TBC1D5: variants seen among roughly 807,000 people sequenced by gnomAD.
The protein encoded by TBC1D5 is TBC1 domain family member 5.
Under a neutral mutation model 100.3 loss-of-function variants are expected in TBC1D5, and 75 were observed. The ratio of observed to expected loss-of-function variants is 0.75; its 90% CI spans 0.62 to 0.91. The LOEUF is 0.91. Ranked by LOEUF, TBC1D5 falls within the 40% of genes least tolerant of loss-of-function variation. The probability of loss-of-function intolerance (pLI) is 0.00; values close to 1 mark genes in which losing one functional copy is unlikely to be tolerated. For missense variants in TBC1D5, 910 were observed against 942.4 expected, an observed-to-expected ratio of 0.97 and a Z score of 0.45; for synonymous variants, 323 against 325.6, an observed-to-expected ratio of 0.99 and a Z score of 0.09.
Position 17,238,056 on chromosome 3 carries a change from T to A in TBC1D5, c.1588+107A>T, listed in dbSNP as rs543654208. ...TTATATAACATATTTAAAAAGTAAG[T>A]TTTGCATTAATTTCTATTCTAGGAG... On this transcript the variant is annotated intron_variant, in intron 17 of 21. Transcript: ENST00000253692. 181 of 1,445,534 alleles carry A rather than the reference T, an allele frequency of 1.3e-4. No homozygotes were observed. In the African/African-American group the frequency reaches 2.4e-3, roughly 19 times the overall value. The allele number at this position is 1,445,534 out of a possible 1,614,324, so 89.5% of individuals were successfully genotyped here. A position where few individuals can be genotyped will look rare whatever the true frequency, so the allele number is the denominator to read the frequency against.
At chr3:17,426,128 A>T (rs558447939) in intron 4 of TBC1D5, among the ~76,000 whole-genome samples, 2 of 152,334 alleles carry the variant, frequency 1.3e-5, no homozygotes, top group South Asian at 4.1e-4. Context: ...GCAAAAGGAC[A>T]TCTGAGGGTT....
At chr3:17,160,072 C>T (rs2065905288) in exon 22 of TBC1D5, 1 of 152,124 alleles carries the variant, frequency 6.6e-6, no homozygotes, top group Non-Finnish European at 1.5e-5. Flanking sequence ...GATGTTTATC[C>T]CATAAAGTCA....
intron 2 of TBC1D5, among the ~76,000 whole-genome samples, chr3:17,560,985 A>G (rs901960501): frequency 2.6e-5 from 4 of 152,170 alleles, no homozygotes; most frequent in African/African-American, 9.7e-5. Context: ...TAGTGTCTAG[A>G]GACGCACACC....
chr3:17,690,859 ATAAGAC>A (rs2071051332), intron 1 of TBC1D5, among the ~76,000 whole-genome samples: 1 of 152,228 alleles, frequency 6.6e-6, no homozygotes, highest in African/African-American at 2.4e-5. Flanking sequence ...CTGCTGCTTT[ATAAGAC>A]TAAATTGTAG....
intron 15 of TBC1D5, among the ~76,000 whole-genome samples, chr3:17,277,073 C>CA (rs1184119725): frequency 6.6e-6 from 1 of 152,232 alleles, no homozygotes; most frequent in Non-Finnish European, 1.5e-5. Context: ...GCCACGGAAA[C>CA]ACTGGGTTTC....
At chr3:17,257,799 A>G (rs2077858226) in intron 16 of TBC1D5, among the ~76,000 whole-genome samples, 1 of 152,222 alleles carries the variant, frequency 6.6e-6, no homozygotes, top group Non-Finnish European at 1.5e-5. Context: ...AAGCTAACAC[A>G]TAGGCAAAAT....
chr3:17,280,344 G>T (rs1008834185), intron 15 of TBC1D5, among the ~76,000 whole-genome samples: 1 of 152,114 alleles, frequency 6.6e-6, no homozygotes, highest in Non-Finnish European at 1.5e-5. Flanking sequence ...GGTCCCTGGT[G>T]AGGGACCCAC....
intron 2 of TBC1D5, among the ~76,000 whole-genome samples, chr3:17,549,874 G>A (rs991168155): frequency 6.6e-6 from 1 of 151,808 alleles, no homozygotes; most frequent in African/African-American, 2.4e-5. Context: ...AGGTTGCACT[G>A]AGCCAAGATT....
intron 3 of TBC1D5, among the ~76,000 whole-genome samples, chr3:17,434,666 T>C (rs1281391400): frequency 6.6e-6 from 1 of 152,148 alleles, no homozygotes; most frequent in Non-Finnish European, 1.5e-5. Flanking sequence ...CACTTTTCCC[T>C]CCTAGGCCAC....
At chr3:17,374,760 A>G in intron 10 of TBC1D5, 81 bp from the exon 11 acceptor site, 1 of 1,407,906 alleles carries the variant, frequency 7.1e-7, no homozygotes, top group Non-Finnish European at 9.8e-7. Context: ...TCTATATAAG[A>G]CAACTTTCAT....
intron 2 of TBC1D5, among the ~76,000 whole-genome samples, chr3:17,576,015 T>C (rs1241764224): frequency 6.6e-6 from 1 of 152,092 alleles, no homozygotes; most frequent in Non-Finnish European, 1.5e-5. Flanking sequence ...GTTCCATTAC[T>C]GACAAATTCC....
chr3:17,436,830 A>C (rs1317359346), intron 3 of TBC1D5, among the ~76,000 whole-genome samples: 1 of 152,240 alleles, frequency 6.6e-6, no homozygotes, highest in Admixed American at 6.5e-5. Flanking sequence ...AATAACAGAT[A>C]AAACAAGCTA....
In TBC1D5 at chr3:17,630,629, G is replaced by A. The variant is rs564655270; in HGVS notation, c.-100-6716C>T. On this transcript the variant is annotated intron_variant, in intron 1 of 21. Coordinates refer to ENST00000253692, the Ensembl canonical transcript of TBC1D5. ...CTGAGATATGACAATACTGAAATTAGGTCAATTAATGGCCTTACAACGGCC... is the reference window on the plus strand; with the variant it reads ...CTGAGATATGACAATACTGAAATTAAGTCAATTAATGGCCTTACAACGGCC... Among the ~76,000 whole-genome samples, 3 of 152,174 alleles carry A rather than the reference G, an allele frequency of 2.0e-5. No homozygotes were observed. The East Asian group carries it at 5.8e-4, about 29-fold the overall frequency.
intron 4 of TBC1D5, among the ~76,000 whole-genome samples, chr3:17,409,872 C>T (rs1237106415): frequency 6.6e-6 from 1 of 152,168 alleles, no homozygotes; most frequent in Non-Finnish European, 1.5e-5. Flanking sequence ...ATCTCCATAA[C>T]ATAAAATTGC....
intron 2 of TBC1D5, among the ~76,000 whole-genome samples, chr3:17,619,215 T>C (rs186920408): frequency 4.9e-4 from 75 of 152,276 alleles, no homozygotes; most frequent in Non-Finnish European, 7.6e-4. Context: ...TCAACATCAA[T>C]AGGTCACAAA....
chr3:17,363,178 C>T (rs1449727194), intron 13 of TBC1D5, among the ~76,000 whole-genome samples: 3 of 151,748 alleles, frequency 2.0e-5, no homozygotes, highest in African/African-American at 7.3e-5. Context: ...TTTTTATTTA[C>T]CTTATTATTG....
intron 3 of TBC1D5, among the ~76,000 whole-genome samples, chr3:17,471,560 A>C: frequency 6.8e-6 from 1 of 147,658 alleles, no homozygotes; most frequent in African/African-American, 2.6e-5. Flanking sequence ...ACAGCATTTT[A>C]AAAAATCAAA....
At chr3:17,730,408 G>A (rs1399379754) in intron 1 of TBC1D5, among the ~76,000 whole-genome samples, 2 of 152,010 alleles carry the variant, frequency 1.3e-5, no homozygotes, top group Non-Finnish European at 2.9e-5. Flanking sequence ...TCCACTTTTT[G>A]CCTCTTGAAA....
chr3:17,719,239 C>G (rs1203980211), intron 1 of TBC1D5, among the ~76,000 whole-genome samples: 1 of 152,108 alleles, frequency 6.6e-6, no homozygotes, highest in Non-Finnish European at 1.5e-5. Flanking sequence ...ACTGACAAAC[C>G]ACTAAGGAGA....
Sources: gnomAD v4.1 joint callset for allele counts (sites outside exome capture counted in the v4.1 genomes callset) on GRCh38, gnomAD v4.1.1 for gene constraint, MANE v1.5 for transcripts, NCBI Gene and HGNC (gene_info 2026-07-23, HGNC 2026-07-21) for gene names.